The following SV2C variants were observed in gnomAD, a reference collection of about 807,000 sequenced individuals.
SV2C encodes the protein synaptic vesicle glycoprotein 2C.
Under a neutral mutation model 79.7 loss-of-function variants are expected in SV2C, and 49 were observed. The observed-to-expected ratio is 0.61, with a 90% CI of 0.49 to 0.78. SV2C has a LOEUF of 0.78. Ranked by LOEUF, SV2C falls within the 30% of genes least tolerant of loss-of-function variation. The pLI, the probability that SV2C is intolerant of heterozygous loss-of-function variation, is 0.00. For missense variants in SV2C, 833 were observed against 912.9 expected, an observed-to-expected ratio of 0.91 and a Z score of 1.13; for synonymous variants, 334 against 333.2, an observed-to-expected ratio of 1.00 and a Z score of -0.03.
At chr5:76,126,806 C>T (rs1302200296) in intron 1 of SV2C, among the ~76,000 whole-genome samples, 4 of 152,160 alleles carry the variant, frequency 2.6e-5, no homozygotes, top group East Asian at 1.9e-4. Flanking sequence ...TCCACAAAAA[C>T]GTGGCAGATG....
the SV2C span, among the ~76,000 whole-genome samples, chr5:76,055,735 A>T: frequency 3.9e-5 from 6 of 152,014 alleles, no homozygotes; most frequent in African/African-American, 1.2e-4. Context: ...CTGTATTCCT[A>T]GGTATTTTAT....
At chr5:76,061,143 T>C in the SV2C span, among the ~76,000 whole-genome samples, 5 of 151,684 alleles carry the variant, frequency 3.3e-5, no homozygotes, top group Admixed American at 2.0e-4. Context: ...GTAATAATAA[T>C]GAAAAAGTTT....
intron 1 of SV2C, among the ~76,000 whole-genome samples, chr5:76,112,231 T>C (rs1198612157): frequency 6.6e-6 from 1 of 152,008 alleles, no homozygotes; most frequent in Admixed American, 6.6e-5. Flanking sequence ...ATAAGAAAAA[T>C]GGCATAAAGG....
At chr5:75,991,584 T>C in the SV2C span, among the ~76,000 whole-genome samples, 20,763 of 79,872 alleles carry the variant, frequency 0.26, 1,658 homozygotes, top group Middle Eastern at 0.36. Context: ...TATATATATA[T>C]ACACACATAT....
intron 12 of SV2C, among the ~76,000 whole-genome samples, chr5:76,351,027 A>T (rs1323309446): frequency 6.6e-6 from 1 of 151,602 alleles, no homozygotes; most frequent in Non-Finnish European, 1.5e-5. Context: ...AAAAAAAAAA[A>T]TTCTCTAAGA....
the SV2C span, among the ~76,000 whole-genome samples, chr5:75,877,143 C>A: frequency 2.0e-5 from 3 of 151,944 alleles, no homozygotes; most frequent in African/African-American, 7.2e-5. Flanking sequence ...GCTGGAGTGG[C>A]TATACTGATA....
chr5:75,971,767 T>A, the SV2C span, among the ~76,000 whole-genome samples: 1 of 152,014 alleles, frequency 6.6e-6, no homozygotes, highest in Non-Finnish European at 1.5e-5. Flanking sequence ...AAATTATAGG[T>A]TCAATGCCAT....
chr5:76,218,487 C>G (rs1265573360), intron 4 of SV2C, among the ~76,000 whole-genome samples: 1 of 152,174 alleles, frequency 6.6e-6, no homozygotes, highest in African/African-American at 2.4e-5. Context: ...CCATCATTCT[C>G]AGCATACTAA....
At chr5:76,037,898 C>T in the SV2C span, among the ~76,000 whole-genome samples, 1 of 152,192 alleles carries the variant, frequency 6.6e-6, no homozygotes, top group South Asian at 2.1e-4. Flanking sequence ...AGTGAGACTC[C>T]GTGGGCATAG....
chr5:75,955,754 T>G, the SV2C span, among the ~76,000 whole-genome samples: 5 of 149,570 alleles, frequency 3.3e-5, no homozygotes, highest in Non-Finnish European at 6.0e-5. Flanking sequence ...CAGACACTTC[T>G]CAAAAGAAGA....
At chr5:76,029,057 C>G in the SV2C span, among the ~76,000 whole-genome samples, 2 of 152,274 alleles carry the variant, frequency 1.3e-5, no homozygotes, top group Non-Finnish European at 2.9e-5. Flanking sequence ...ATGAATACCA[C>G]CCATCCTGTC....
intron 4 of SV2C, among the ~76,000 whole-genome samples, chr5:76,220,759 G>T (rs764537913): frequency 6.6e-6 from 1 of 152,126 alleles, no homozygotes; most frequent in Non-Finnish European, 1.5e-5. Context: ...GTAGCTCAGC[G>T]GTCATCATCA....
chr5:76,049,563 T>C, the SV2C span, among the ~76,000 whole-genome samples: 1 of 152,196 alleles, frequency 6.6e-6, no homozygotes, highest in Admixed American at 6.5e-5. Context: ...GCAATGGGTA[T>C]GGGCTGCTAG....
At chr5:76,180,308 A>C (rs1293499789) in intron 2 of SV2C, among the ~76,000 whole-genome samples, 3 of 152,166 alleles carry the variant, frequency 2.0e-5, no homozygotes, top group African/African-American at 7.2e-5. Context: ...ATATTTTTTA[A>C]GGTAGTTATG....
chr5:75,912,137 A>G, the SV2C span, among the ~76,000 whole-genome samples: 2 of 152,346 alleles, frequency 1.3e-5, no homozygotes, highest in African/African-American at 4.8e-5. Context: ...GACTTTATAC[A>G]TTAACTAAAG....
the SV2C span, among the ~76,000 whole-genome samples, chr5:75,864,325 C>CATCT: frequency 1.3e-5 from 2 of 151,648 alleles, no homozygotes; most frequent in Non-Finnish European, 2.9e-5. Context: ...TCCATCCATC[C>CATCT]ATCCATCCAT....
intron 2 of SV2C, among the ~76,000 whole-genome samples, chr5:76,149,442 C>T (rs1489725060): frequency 6.6e-6 from 1 of 152,204 alleles, no homozygotes; most frequent in African/African-American, 2.4e-5. Context: ...CCACGAGACG[C>T]TGAGGCTGCT....
the SV2C span, among the ~76,000 whole-genome samples, chr5:76,051,537 T>A: frequency 6.6e-6 from 1 of 152,192 alleles, no homozygotes; most frequent in Non-Finnish European, 1.5e-5. Context: ...TATTATGTAT[T>A]CTATTAAATA....
Position 76,298,863 on chromosome 5 carries a change from T to A in SV2C, c.1572T>A (p.Asp524Glu). ...TTTTTAAGTCCTGCACCTTTGAGGATGTAACTTCAGTGAACACCTACTTCA... is the reference window on the plus strand; with the variant it reads ...TTTTTAAGTCCTGCACCTTTGAGGAAGTAACTTCAGTGAACACCTACTTCA... ...DSVFKSCTFE[D>E]VTSVNTYFKN... The change falls in exon 10 of 13, where the codon GAT becomes GAA. Residue 524 changes from aspartate (D) to glutamate (E), a missense_variant. Coordinates refer to ENST00000502798, the MANE Select transcript of SV2C (RefSeq NM_014979.4). The A allele has an allele frequency of 6.2e-7, 1 of 1,614,046 alleles. No homozygotes were observed. Among genetic ancestry groups the A allele is most frequent in the Non-Finnish European group, 8.5e-7 (1 of 1,179,912 alleles).
Sources: allele counts gnomAD v4.1 joint callset (sites outside exome capture counted in the v4.1 genomes callset), GRCh38; gene constraint gnomAD v4.1.1; transcripts MANE v1.5; gene names NCBI Gene and HGNC (gene_info 2026-07-23, HGNC 2026-07-21).